Variants in TMPO observed in about 807,000 individuals in gnomAD.
The protein encoded by TMPO is thymopoietin.
Under a neutral mutation model 45.4 loss-of-function variants are expected in TMPO, and 22 were observed. The ratio of observed to expected loss-of-function variants is 0.48; its 90% CI spans 0.35 to 0.69. The LOEUF is 0.69. Among genes scored for constraint, TMPO ranks in the 30% least tolerant of loss-of-function variants. The pLI is 0.01. For missense variants in TMPO, 512 were observed against 548.8 expected (o/e 0.93, Z 0.67); for synonymous variants, 241 against 204.1 (o/e 1.18, Z -1.54).
chr12:98,530,508 AC>A (rs36047490), intron 2 of TMPO, among the ~76,000 whole-genome samples: 82,716 of 151,944 alleles, frequency 0.54, 22,715 homozygotes, highest in South Asian at 0.57. Context: ...TGCTCATCTT[AC>A]CAGGAGTTAA....
intron 4 of TMPO, among the ~76,000 whole-genome samples, chr12:98,541,091 A>C (rs1203145953): frequency 3.9e-5 from 6 of 152,124 alleles, no homozygotes; most frequent in Non-Finnish European, 7.3e-5. Flanking sequence ...GGAATTACTA[A>C]GTTGGTTCCT....
In TMPO at chr12:98,535,597, T is replaced by G; in HGVS notation, c.566-1878T>G. On this transcript the variant is annotated intron_variant, in intron 3 of 8. Transcript: ENST00000556029. ...TTAAAAATGTATTACTGTAGAATGC[T>G]TCTGCAAATTCAATAAAGTTGTTAA... 7 of 985,468 alleles carry G rather than the reference T, an allele frequency of 7.1e-6. No homozygotes were observed. In the South Asian group the frequency reaches 1.4e-4, roughly 20 times the overall value. 61.0% of individuals were successfully genotyped at this position (985,468 alleles called of 1,614,324 possible).
In TMPO at chr12:98,531,584, G is replaced by T. The variant is rs17028432; in HGVS notation, c.407-96G>T. Reference sequence around the variant, plus strand: ...AAGAACTTGAGTTTAGAAAAATAAAGGGTGAAAATAGCTTAAAATGTTGCT... The same window carrying T: ...AAGAACTTGAGTTTAGAAAAATAAATGGTGAAAATAGCTTAAAATGTTGCT... On this transcript the variant is annotated intron_variant, in intron 2 of 8. Transcript: ENST00000556029. 4 of 1,287,540 alleles carry T rather than the reference G, an allele frequency of 3.1e-6. No individual in the cohort carries two copies. The Admixed American group carries it at 7.8e-5, about 25-fold the overall frequency. 79.8% of individuals were successfully genotyped at this position (1,287,540 alleles called of 1,614,324 possible).
chr12:98,544,796 T>C (rs1878123356), intron 6 of TMPO, 155 bp from the exon 7 acceptor site: 1 of 689,980 alleles, frequency 1.4e-6, no homozygotes, highest in African/African-American at 1.8e-5. Context: ...AGGCTTCATA[T>C]GTGAGGCACT....
intron 3 of TMPO, chr12:98,534,805 A>C: frequency 1.0e-6 from 1 of 1,002,028 alleles, no homozygotes; most frequent in South Asian, 4.3e-5. Flanking sequence ...TAACTTGTCC[A>C]TATTTTTGCT....
intron 2 of TMPO, among the ~76,000 whole-genome samples, chr12:98,528,432 A>G (rs1184997790): frequency 6.6e-6 from 1 of 151,734 alleles, no homozygotes. Context: ...GCCCGCTGCC[A>G]CGCCTGGCTA....
Position 98,549,780 on chromosome 12 carries a change from T to C in TMPO, c.*1922T>C, listed in dbSNP as rs1878434893. On this transcript the variant is annotated 3_prime_UTR_variant, in exon 9 of 9. Transcript: ENST00000556029. ...AATTAGCCTTATTCTAATATTTAGC[T>C]TTTAGATCTTTCATACACATTTTCA... 1 of 152,250 alleles carries C rather than the reference T, an allele frequency of 6.6e-6. No homozygotes were observed. The highest frequency in any genetic ancestry group is 1.5e-5 in the Non-Finnish European group (1 of 68,046). 9.4% of individuals were successfully genotyped at this position (152,250 alleles called of 1,614,324 possible).
intron 1 of TMPO, among the ~76,000 whole-genome samples, chr12:98,517,126 T>A (rs1875915202): frequency 6.6e-6 from 1 of 152,232 alleles, no homozygotes; most frequent in Non-Finnish European, 1.5e-5. Flanking sequence ...AACAAATATT[T>A]GAAAATTGCA....
chr12:98,520,222 A>C (rs1876228078), intron 1 of TMPO, among the ~76,000 whole-genome samples: 1 of 151,314 alleles, frequency 6.6e-6, no homozygotes. Context: ...AGCCTCCCAA[A>C]GTGCTGGGAT....
rs745484180 is a variant in TMPO at position 98,533,905 on chromosome 12, C to G, written c.565+2067C>G. 9 of 1,614,128 alleles carry G rather than the reference C, an allele frequency of 5.6e-6. No homozygotes were observed. The highest frequency in any genetic ancestry group is 7.6e-6 in the Non-Finnish European group (9 of 1,179,992). ...AGGGTTTATTTCTGAAGCCACTCCA[C>G]TAGGAGGTATTCAAGCAGCCTCCAC... On this transcript the variant is annotated intron_variant, in intron 3 of 8. Coordinates refer to ENST00000556029, the MANE Select transcript of TMPO (RefSeq NM_001032283.3).
chr12:98,546,306 A>G, intron 7 of TMPO, 53 bp from the exon 8 acceptor site: 4 of 1,157,706 alleles, frequency 3.5e-6, no homozygotes, highest in South Asian at 1.2e-5. Flanking sequence ...TAATTATTGC[A>G]TGTTTACACT....
Position 98,527,889 on chromosome 12 carries a change from G to A in TMPO, c.283G>A (p.Ala95Thr). ...GATTACTGGACTTTGTTTACAGAAAGCCACAAAAAAAACTGATAAACCCAG... is the reference window on the plus strand; with the variant it reads ...GATTACTGGACTTTGTTTACAGAAAACCACAAAAAAAACTGATAAACCCAG... ...GRSRAAVGRK[A>T]TKKTDKPRQE... is the part of the protein sequence containing the mutation. Residue 95 changes from alanine to threonine, a missense_variant, in exon 2 of 9, where the codon GCC becomes ACC. Around this residue, in one of 3 missense-constraint regions of TMPO, gnomAD observed 299 missense variants for 296.7 expected, o/e 1.01. Transcript: ENST00000556029. 1 of 1,613,562 alleles carries A rather than the reference G, an allele frequency of 6.2e-7. No homozygotes were observed. Among genetic ancestry groups the A allele is most frequent in the Non-Finnish European group, 8.5e-7 (1 of 1,179,838 alleles).
intron 2 of TMPO, among the ~76,000 whole-genome samples, chr12:98,529,296 C>A (rs1202502698): frequency 6.6e-6 from 1 of 151,970 alleles, no homozygotes; most frequent in Non-Finnish European, 1.5e-5. Flanking sequence ...TCAGGTGATC[C>A]CACCCACCTC....
intron 3 of TMPO, chr12:98,533,030 C>T (rs1173315740): frequency 1.2e-6 from 2 of 1,613,524 alleles, no homozygotes; most frequent in South Asian, 2.2e-5. Context: ...CCTCTTGTTG[C>T]CACAAACTTG....
At chr12:98,532,506 G>C (rs1460783143) in intron 3 of TMPO, among the ~76,000 whole-genome samples, 5 of 152,098 alleles carry the variant, frequency 3.3e-5, no homozygotes, top group Admixed American at 6.6e-5. Flanking sequence ...TTAGTAGACT[G>C]TATAGTATCT....
At position 98,534,679 on chromosome 12, in the gene TMPO, A is replaced by G. The variant is rs79909726; in HGVS notation, c.566-2796A>G. 7.3e-5 allele frequency: 81 copies of G among 1,116,662 alleles called. No individual in the cohort carries two copies. The East Asian group carries it at 1.2e-3, about 17-fold the overall frequency. The allele number at this position is 1,116,662 out of a possible 1,614,324, so 69.2% of individuals were successfully genotyped here. On this transcript the variant is annotated intron_variant, in intron 3 of 8. Coordinates refer to ENST00000556029, the MANE Select transcript of TMPO (RefSeq NM_001032283.3). ...GGATATAAGGAGTATTTACTGTTCA[A>G]TAGAATAATATGCATCCTCCTTTAT... is the stretch of plus-strand genomic sequence containing the variant.
intron 4 of TMPO, among the ~76,000 whole-genome samples, chr12:98,539,202 AAAATAAAT>A (rs71436918): frequency 5.9e-4 from 90 of 151,454 alleles, no homozygotes; most frequent in African/African-American, 1.9e-3. Context: ...CTCTGTCTCA[AAAATAAAT>A]AAATAAATAA....
chr12:98,528,121 A>G, intron 2 of TMPO, 109 bp downstream of exon 2: 4 of 1,208,286 alleles, frequency 3.3e-6, no homozygotes, highest in Non-Finnish European at 4.8e-6. Flanking sequence ...TTTGTCATTA[A>G]TCATTTGTTA....
At chr12:98,527,810 T>C (rs1445607261) in intron 1 of TMPO, 76 bp from the exon 2 acceptor site, 3 of 1,565,592 alleles carry the variant, frequency 1.9e-6, no homozygotes, top group Admixed American at 1.7e-5. Context: ...GTTTGCATGT[T>C]TATGTTATAC....
Sources: gnomAD v4.1 joint callset for allele counts (sites outside exome capture counted in the v4.1 genomes callset) on GRCh38, gnomAD v4.1.1 for gene constraint, gnomAD v4.1.1 regional missense constraint, MANE v1.5 for transcripts, NCBI Gene and HGNC (gene_info 2026-07-23, HGNC 2026-07-21) for gene names.